The following PIK3C2B variants were observed in gnomAD, a reference collection of about 807,000 sequenced individuals.
PIK3C2B encodes phosphatidylinositol-4-phosphate 3-kinase catalytic subunit type 2 beta, also known as phosphatidylinositol 4-phosphate 3-kinase C2 domain-containing subunit beta.
Under a neutral mutation model 184.3 loss-of-function variants are expected in PIK3C2B, and 83 were observed. That is an observed-to-expected ratio of 0.45 (90% confidence interval 0.38 to 0.54). The LOEUF (loss-of-function observed/expected upper bound fraction) is 0.54. Ranked by LOEUF, PIK3C2B falls within the 20% of genes least tolerant of loss-of-function variation. The probability of loss-of-function intolerance (pLI) is 0.00; values close to 1 mark genes in which losing one functional copy is unlikely to be tolerated. For missense variants in PIK3C2B, 1,736 were observed against 2,113.5 expected, an observed-to-expected ratio of 0.82 and a Z score of 3.50; for synonymous variants, 779 against 837.6, an observed-to-expected ratio of 0.93 and a Z score of 1.21.
intron 1 of PIK3C2B, among the ~76,000 whole-genome samples, chr1:204,478,717 T>C (rs1167381202): frequency 1.3e-5 from 2 of 152,228 alleles, no homozygotes; most frequent in Non-Finnish European, 2.9e-5. Flanking sequence ...TGGCATTTCC[T>C]ACCAGGACTT....
rs200534633 is a variant in PIK3C2B, at chr1:204,469,277, C to T, written c.526G>A (p.Gly176Arg). Residue 176 changes from glycine (G) to arginine (R), a missense_variant, in exon 2 of 33, where the codon GGG becomes AGG. By Grantham distance (125) the Gly-to-Arg change is moderately radical (BLOSUM62 -2). Transcript: ENST00000684373. ...WDTPPLPPRK[G>R]SPSSSKISQP... ...GAGATCTTGGAGGATGAGGGGGACCCCTTTCTGGGAGGCAGGGGAGGGGTA... is the reference window on the plus strand; with the variant it reads ...GAGATCTTGGAGGATGAGGGGGACCTCTTTCTGGGAGGCAGGGGAGGGGTA... The T allele has an allele frequency of 8.4e-6, 13 of 1,550,216 alleles. No homozygotes were observed. Among genetic ancestry groups the T allele is most frequent in the Admixed American group, 7.7e-5 (4 of 51,778 alleles).
intron 9 of PIK3C2B, 82 bp from the exon 10 acceptor site, chr1:204,457,152 G>C: frequency 8.3e-7 from 1 of 1,211,552 alleles, no homozygotes; most frequent in South Asian, 1.4e-5. Context: ...TTTCACAGCT[G>C]CGCTCATCTG....
At chr1:204,452,996 T>TG (rs1654505610) in intron 12 of PIK3C2B, among the ~76,000 whole-genome samples, 1 of 152,078 alleles carries the variant, frequency 6.6e-6, no homozygotes, top group African/African-American at 2.4e-5. Flanking sequence ...TACCTAAGTG[T>TG]GAAGGGCATG....
chr1:204,456,583 G>C (rs61762604), intron 10 of PIK3C2B, among the ~76,000 whole-genome samples: 6,070 of 152,156 alleles, frequency 0.04, 381 homozygotes, highest in African/African-American at 0.14. Context: ...GCACAACAGG[G>C]GAATCCTAGA....
chr1:204,459,066 G>A (rs531988551), intron 8 of PIK3C2B, among the ~76,000 whole-genome samples: 23 of 127,462 alleles, frequency 1.8e-4, no homozygotes, highest in African/African-American at 6.4e-4. Context: ...GCAGGCTGGA[G>A]TGCAATGGTG....
At chr1:204,430,067 G>T in intron 28 of PIK3C2B, 29 bp from the exon 29 acceptor site, 2 of 1,422,526 alleles carry the variant, frequency 1.4e-6, no homozygotes, top group Non-Finnish European at 2.0e-6. Context: ...CAGCGGGGAT[G>T]CAGGAGGTGA....
intron 1 of PIK3C2B, among the ~76,000 whole-genome samples, chr1:204,486,188 G>A (rs1657571009): frequency 6.6e-6 from 1 of 152,044 alleles, no homozygotes. Context: ...CAGAGGTCGG[G>A]AATTCCAGAT....
At chr1:204,439,801 A>G (rs61763423) in intron 22 of PIK3C2B, among the ~76,000 whole-genome samples, 2,642 of 152,214 alleles carry the variant, frequency 0.017, 65 homozygotes, top group East Asian at 0.13. Flanking sequence ...GGCCTGGCTA[A>G]TTTTTTATAA....
chr1:204,426,429 C>A (rs1240837948), intron 31 of PIK3C2B, among the ~76,000 whole-genome samples: 1 of 152,162 alleles, frequency 6.6e-6, no homozygotes, highest in Non-Finnish European at 1.5e-5. Context: ...GGAAAGTCTG[C>A]CCTCAGATGC....
intron 15 of PIK3C2B, among the ~76,000 whole-genome samples, chr1:204,446,474 C>CA (rs1653874207): frequency 6.6e-6 from 1 of 152,194 alleles, no homozygotes; most frequent in South Asian, 2.1e-4. Context: ...TCAGGGACAT[C>CA]TTGGATGGAG....
Position 204,469,390 on chromosome 1 carries a change from A to T in PIK3C2B, c.413T>A (p.Val138Asp). Residue 138 changes from valine (V) to aspartate (D), a missense_variant, in exon 2 of 33, where the codon GTC becomes GAC. Coordinates refer to ENST00000684373, the MANE Select transcript of PIK3C2B (RefSeq NM_001377334.1). ...LYIFDGSDGGVSSSPGPGDIE... is the reference protein window; with the variant it reads ...LYIFDGSDGGDSSSPGPGDIE... ...GTCCCCTGGTCCTGGGGACGAAGAG[A>T]CTCCCCCATCTGAACCATCAAAAAT... 6.5e-7 allele frequency: 1 copy of T among 1,532,860 alleles called. No individual in the cohort carries two copies. Among genetic ancestry groups the T allele is most frequent in the Non-Finnish European group, 8.7e-7 (1 of 1,144,126 alleles). The allele number at this position is 1,532,860 out of a possible 1,614,324, so 95.0% of individuals were successfully genotyped here.
At chr1:204,494,096 G>A (rs780673738) in intron 1 of PIK3C2B, among the ~76,000 whole-genome samples, 11 of 151,888 alleles carry the variant, frequency 7.2e-5, no homozygotes, top group African/African-American at 2.7e-4. Context: ...GGACGCGGGT[G>A]CCTGGAGCCC....
intron 1 of PIK3C2B, among the ~76,000 whole-genome samples, chr1:204,484,503 G>A (rs985242574): frequency 6.6e-6 from 1 of 152,168 alleles, no homozygotes; most frequent in Non-Finnish European, 1.5e-5. Context: ...GGGAGGCCAA[G>A]GTGGGCGGAT....
chr1:204,469,482 G>A lies in PIK3C2B; in HGVS notation c.321C>T (p.Thr107=). The A allele has an allele frequency of 6.2e-7, 1 of 1,606,416 alleles. No individual in the cohort carries two copies. Among genetic ancestry groups the A allele is most frequent in the South Asian group, 1.1e-5 (1 of 89,608 alleles). ...SPQEGPPNHS[T]SQGPQPGSDP... ...CTGAGCCAGGCTGTGGCCCTTGGGAGGTAGAGTGGTTGGGCGGCCCTTCCT... is the reference window on the plus strand; with the variant it reads ...CTGAGCCAGGCTGTGGCCCTTGGGAAGTAGAGTGGTTGGGCGGCCCTTCCT... The change falls in exon 2 of 33, where the codon ACC becomes ACT. Residue 107 remains threonine (T), a synonymous_variant. Coordinates refer to ENST00000684373, the MANE Select transcript of PIK3C2B (RefSeq NM_001377334.1).
At position 204,469,255 on chromosome 1, in the gene PIK3C2B, A is replaced by T; in HGVS notation, c.548T>A (p.Ile183Asn). The change falls in exon 2 of 33, where the codon ATC becomes AAC. Residue 183 changes from isoleucine to asparagine, a missense_variant. Physicochemically the swap from Ile to Asn is moderately radical, Grantham distance 149 (BLOSUM62 -3). Around this residue, in one of 8 missense-constraint regions of PIK3C2B, gnomAD observed 404 missense variants for 418.0 expected, o/e 0.97. Transcript: ENST00000684373. ...AGTGTTGATGTCACTGGGCTGGGAG[A>T]TCTTGGAGGATGAGGGGGACCCCTT... ...PRKGSPSSSK[I>N]SQPSDINTFS... 6.4e-7 allele frequency: 1 copy of T among 1,571,790 alleles called. No individual in the cohort carries two copies. The highest frequency in any genetic ancestry group is 1.4e-5 in the African/African-American group (1 of 73,938).
chr1:204,431,801 G>T lies in PIK3C2B; in HGVS notation c.4156-8C>A. The T allele has an allele frequency of 6.2e-7, 1 of 1,614,200 alleles. No individual in the cohort carries two copies. The highest frequency in any genetic ancestry group is 8.5e-7 in the Non-Finnish European group (1 of 1,180,032). The stretch of plus-strand genomic sequence containing the variant: ...CACCTTTACCACATATATCTGCAAA[G>T]GTCCAGATCTTAGGGTGTACCTGCC... On this transcript the variant is annotated splice_region_variant and splice_polypyrimidine_tract_variant and intron_variant, in intron 27 of 32. Coordinates refer to ENST00000684373, the MANE Select transcript of PIK3C2B (RefSeq NM_001377334.1).
At chr1:204,449,328 A>T (rs1267487311) in intron 13 of PIK3C2B, 32 bp from the exon 14 acceptor site, 1 of 1,509,658 alleles carries the variant, frequency 6.6e-7, no homozygotes, top group Non-Finnish European at 9.1e-7. Context: ...AAGAGCTGCT[A>T]AAGTGGCTAA....
chr1:204,436,696 CATTT>C (rs1283514514), intron 23 of PIK3C2B, among the ~76,000 whole-genome samples: 1 of 152,104 alleles, frequency 6.6e-6, no homozygotes, highest in African/African-American at 2.4e-5. Flanking sequence ...TTCATCTGTA[CATTT>C]ATTATTATTT....
rs542825504 is a variant in PIK3C2B, at chr1:204,427,749, T to C, written c.4486A>G (p.Thr1496Ala). 4 of 1,612,404 alleles carry C rather than the reference T, an allele frequency of 2.5e-6. No individual in the cohort carries two copies. In the African/African-American group the frequency reaches 5.3e-5, roughly 21 times the overall value. Reference protein sequence around the residue: ...TSPAPKSSDGTWARPVGKVGG... With the variant: ...TSPAPKSSDGAWARPVGKVGG... ...ACCTTTCCGACGGGCCGGGCCCATGTGCCATCTGTAGGGACAAATGAAACC... is the reference window on the plus strand; with the variant it reads ...ACCTTTCCGACGGGCCGGGCCCATGCGCCATCTGTAGGGACAAATGAAACC... Residue 1496 changes from threonine to alanine, a missense_variant, in exon 31 of 33, where the codon ACA becomes GCA. Physicochemically the swap from Thr to Ala is moderately conservative, Grantham distance 58 (BLOSUM62 0). Around this residue, in one of 8 missense-constraint regions of PIK3C2B, gnomAD observed 200 missense variants for 199.1 expected, o/e 1.00. Coordinates refer to ENST00000684373, the MANE Select transcript of PIK3C2B (RefSeq NM_001377334.1).
Sources: gnomAD v4.1 joint callset for allele counts (sites outside exome capture counted in the v4.1 genomes callset) on GRCh38, gnomAD v4.1.1 for gene constraint, gnomAD v4.1.1 regional missense constraint, MANE v1.5 for transcripts, NCBI Gene and HGNC (gene_info 2026-07-23, HGNC 2026-07-21) for gene names.